SCARA5: variants seen among roughly 807,000 people sequenced by gnomAD.
SCARA5 encodes scavenger receptor class A member 5.
Under a neutral mutation model 46.3 loss-of-function variants are expected in SCARA5, and 45 were observed. The observed-to-expected ratio is 0.97, with a 90% CI of 0.76 to 1.24. The LOEUF is 1.24. SCARA5 is among the 50% of genes most tolerant of loss of function. The pLI is 0.00. For missense variants in SCARA5, 680 were observed against 689.0 expected, an observed-to-expected ratio of 0.99 and a Z score of 0.15; for synonymous variants, 333 against 306.5, an observed-to-expected ratio of 1.09 and a Z score of -0.90.
chr8:27,875,199 A>ACTCCTCCCTCCCTCCCTCCCTTCC (rs1563509203), intron 8 of SCARA5, among the ~76,000 whole-genome samples: 1 of 43,266 alleles, frequency 2.3e-5, no homozygotes, highest in East Asian at 4.0e-4. Flanking sequence ...CCCTCCCTTC[A>ACTCCTCCCTCCCTCCCTCCCTTCC]CTCCTCCCTC....
chr8:27,976,723 C>T (rs1486574783), intron 2 of SCARA5, among the ~76,000 whole-genome samples: 1 of 152,162 alleles, frequency 6.6e-6, no homozygotes, highest in East Asian at 1.9e-4. Flanking sequence ...ACTGAGTCAT[C>T]CGTGTCCCTG....
intron 7 of SCARA5, among the ~76,000 whole-genome samples, chr8:27,880,970 A>T (rs1371961662): frequency 3.9e-5 from 6 of 152,196 alleles, no homozygotes; most frequent in Non-Finnish European, 5.9e-5. Context: ...ATCATCAGAG[A>T]AATGCAAATC....
chr8:27,937,699 G>A (rs773217360), intron 3 of SCARA5, among the ~76,000 whole-genome samples: 4 of 152,134 alleles, frequency 2.6e-5, no homozygotes, highest in Non-Finnish European at 4.4e-5. Context: ...GGCAGTCTGA[G>A]CTCCAGGGGT....
chr8:27,967,474 C>T (rs1808386658), intron 2 of SCARA5, among the ~76,000 whole-genome samples: 1 of 152,150 alleles, frequency 6.6e-6, no homozygotes, highest in African/African-American at 2.4e-5. Context: ...GGGATCCTCT[C>T]CCTGATGTTA....
chr8:27,978,855 C>T (rs1477654651), intron 2 of SCARA5, among the ~76,000 whole-genome samples: 1 of 152,014 alleles, frequency 6.6e-6, no homozygotes, highest in Non-Finnish European at 1.5e-5. Context: ...TCTGGGGTGC[C>T]CCAGCCTCCC....
At chr8:27,883,863 C>T (rs777709442) in intron 7 of SCARA5, among the ~76,000 whole-genome samples, 3 of 152,150 alleles carry the variant, frequency 2.0e-5, no homozygotes, top group Non-Finnish European at 2.9e-5. Context: ...TACTAATAAG[C>T]GCGGCACTCC....
intron 3 of SCARA5, among the ~76,000 whole-genome samples, chr8:27,934,032 T>C (rs1807818139): frequency 6.6e-6 from 1 of 152,216 alleles, no homozygotes; most frequent in Admixed American, 6.5e-5. Context: ...TTTGGATTTA[T>C]GTGAATATTG....
At chr8:27,984,672 CCATCCATCCATG>C (rs1475720151) in intron 2 of SCARA5, among the ~76,000 whole-genome samples, 1 of 148,326 alleles carries the variant, frequency 6.7e-6, no homozygotes, top group East Asian at 2.0e-4. Flanking sequence ...ATCCATTCAC[CCATCCATCCATG>C]CATCCATCCA....
At chr8:27,942,369 A>G (rs972076626) in intron 3 of SCARA5, among the ~76,000 whole-genome samples, 2 of 152,086 alleles carry the variant, frequency 1.3e-5, no homozygotes, top group African/African-American at 4.8e-5. Flanking sequence ...GTTGCTTGAT[A>G]CTTTCCAAAG....
At chr8:27,906,866 ATTATT>A (rs1425532398) in intron 6 of SCARA5, among the ~76,000 whole-genome samples, 5 of 152,128 alleles carry the variant, frequency 3.3e-5, no homozygotes, top group African/African-American at 9.7e-5. Context: ...CACTTGGCTA[ATTATT>A]TTATATTTTG....
chr8:27,958,897 A>T (rs552566310), intron 3 of SCARA5, among the ~76,000 whole-genome samples: 1 of 152,296 alleles, frequency 6.6e-6, no homozygotes, highest in East Asian at 1.9e-4. Flanking sequence ...GTATTCCATC[A>T]TTTGGATGTA....
chr8:27,988,234 T>G (rs1014894499), intron 1 of SCARA5, among the ~76,000 whole-genome samples: 2 of 152,132 alleles, frequency 1.3e-5, no homozygotes, highest in African/African-American at 4.8e-5. Flanking sequence ...TCTACTGTGG[T>G]GGGGCCCGAG....
At chr8:27,963,358 A>T (rs775558968) in intron 3 of SCARA5, among the ~76,000 whole-genome samples, 4 of 152,248 alleles carry the variant, frequency 2.6e-5, no homozygotes, top group Non-Finnish European at 4.4e-5. Flanking sequence ...TTCAAAAATG[A>T]ATCGGGAACA....
intron 4 of SCARA5, 148 bp from the exon 5 acceptor site, chr8:27,909,891 C>A: frequency 1.9e-6 from 1 of 534,228 alleles, no homozygotes; most frequent in South Asian, 2.9e-5. Flanking sequence ...AGCCCAGTCT[C>A]GGGGGGCATC....
At chr8:27,928,459 T>C (rs1490501585) in intron 3 of SCARA5, among the ~76,000 whole-genome samples, 1 of 152,138 alleles carries the variant, frequency 6.6e-6, no homozygotes, top group East Asian at 1.9e-4. Flanking sequence ...ATTGTTAGGA[T>C]CCTCATAGTT....
chr8:27,912,529 G>A (rs570324773), intron 4 of SCARA5, among the ~76,000 whole-genome samples: 2 of 152,348 alleles, frequency 1.3e-5, no homozygotes, highest in Admixed American at 6.5e-5. Flanking sequence ...AACGAAGGGC[G>A]GAGTCAGGAA....
Position 27,984,029 on chromosome 8 carries a change from C to T in SCARA5, c.112+3475G>A, listed in dbSNP as rs541960835. 7.2e-5 allele frequency among the ~76,000 whole-genome samples: 11 copies of T among 152,248 alleles called. No individual in the cohort carries two copies. In the South Asian group the frequency reaches 1.9e-3, roughly 26 times the overall value. On this transcript the variant is annotated intron_variant, in intron 2 of 8. Transcript: ENST00000354914. ...CGTCTTCATTTACTAAATAAAGGCT[C>T]AAGGGCGGCCCTGACCGGATTCAGG...
At chr8:27,892,014 C>T (rs945277801) in intron 7 of SCARA5, among the ~76,000 whole-genome samples, 2 of 152,234 alleles carry the variant, frequency 1.3e-5, no homozygotes, top group African/African-American at 4.8e-5. Flanking sequence ...CATTGCCTTC[C>T]ACGTGGGAAA....
intron 1 of SCARA5, among the ~76,000 whole-genome samples, chr8:27,991,492 A>G (rs957161607): frequency 4.6e-5 from 7 of 152,134 alleles, no homozygotes; most frequent in Admixed American, 1.3e-4. Context: ...CTGGCTCTTC[A>G]ATCCTTCTCT....
Sources: allele counts gnomAD v4.1 joint callset (sites outside exome capture counted in the v4.1 genomes callset), GRCh38; gene constraint gnomAD v4.1.1; transcripts MANE v1.5; gene names NCBI Gene and HGNC (gene_info 2026-07-23, HGNC 2026-07-21).